The following GGACT variants were observed in gnomAD, a reference collection of about 807,000 sequenced individuals.
GGACT encodes gamma-glutamylamine cyclotransferase, also known as gamma-glutamylaminecyclotransferase.
For synonymous variants in GGACT, 118 were observed against 115.3 expected, an observed-to-expected ratio of 1.02 and a Z score of -0.15; for missense variants, 241 against 233.2, an observed-to-expected ratio of 1.03 and a Z score of -0.22.
chr13:100,570,322 G>T (rs887874712), intron 2 of GGACT, among the ~76,000 whole-genome samples: 2 of 152,182 alleles, frequency 1.3e-5, no homozygotes, highest in Non-Finnish European at 2.9e-5. Flanking sequence ...CAGCATAGCT[G>T]AGGAGGCCTC....
intron 2 of GGACT, among the ~76,000 whole-genome samples, chr13:100,570,292 A>C (rs1187866841): frequency 6.6e-5 from 10 of 152,148 alleles, no homozygotes; most frequent in African/African-American, 2.2e-4. Context: ...TAAAAGGAAG[A>C]GGTTTAATCG....
chr13:100,535,449 T>G lies in GGACT; in HGVS notation c.-10-2848A>C, dbSNP rs1222052917. Among the ~76,000 whole-genome samples the G allele has an allele frequency of 3.9e-5, 6 of 152,330 alleles. No individual in the cohort carries two copies. In the South Asian group the frequency reaches 1.0e-3, roughly 26 times the overall value. ...CTTTAACTGTGTGACTTTAGGCAGA[T>G]CATATAACCTCTCTGTGCCTCAGCT... On this transcript the variant is annotated intron_variant, in intron 2 of 2. Transcript: ENST00000683975.
At chr13:100,548,023 G>A (rs1349030219) in intron 2 of GGACT, among the ~76,000 whole-genome samples, 1 of 152,222 alleles carries the variant, frequency 6.6e-6, no homozygotes, top group Non-Finnish European at 1.5e-5. Context: ...CCGGGCAGCC[G>A]GGAAAAGCCA....
At chr13:100,579,914 C>T (rs935527179) in intron 2 of GGACT, 3 of 152,124 alleles carry the variant, frequency 2.0e-5, no homozygotes, top group African/African-American at 7.2e-5. Flanking sequence ...CCTTTCTGCC[C>T]CTACAGAGTG....
chr13:100,562,085 T>A (rs2088767108), intron 2 of GGACT, among the ~76,000 whole-genome samples: 1 of 152,162 alleles, frequency 6.6e-6, no homozygotes, highest in African/African-American at 2.4e-5. Context: ...TTTAGGTGCC[T>A]CTAAATAGGG....
At chr13:100,586,384 A>G (rs1875574759) in intron 1 of GGACT, among the ~76,000 whole-genome samples, 1 of 152,144 alleles carries the variant, frequency 6.6e-6, no homozygotes, top group African/African-American at 2.4e-5. Context: ...TTTGCTTAAA[A>G]TTTTCCCAAT....
At chr13:100,567,686 C>T (rs925359660) in intron 2 of GGACT, among the ~76,000 whole-genome samples, 3 of 152,214 alleles carry the variant, frequency 2.0e-5, no homozygotes, top group African/African-American at 7.2e-5. Context: ...CTTCTTTACA[C>T]CTTTACATCT....
intron 2 of GGACT, chr13:100,539,990 G>A (rs775068359): frequency 2.9e-5 from 44 of 1,522,484 alleles, no homozygotes; most frequent in Admixed American, 1.7e-4. Context: ...TCACGAGATC[G>A]ATTCCTGACT....
intron 2 of GGACT, among the ~76,000 whole-genome samples, chr13:100,572,886 T>C (rs1328252722): frequency 6.6e-6 from 1 of 152,182 alleles, no homozygotes; most frequent in Non-Finnish European, 1.5e-5. Flanking sequence ...CTTGCTTTCC[T>C]GAACGAATAT....
At chr13:100,570,334 G>C (rs1467087291) in intron 2 of GGACT, among the ~76,000 whole-genome samples, 1 of 152,148 alleles carries the variant, frequency 6.6e-6, no homozygotes, top group Non-Finnish European at 1.5e-5. Context: ...GGAGGCCTCA[G>C]GAATCTTATA....
chr13:100,551,143 G>C (rs958830762), intron 2 of GGACT, among the ~76,000 whole-genome samples: 11 of 152,046 alleles, frequency 7.2e-5, no homozygotes, highest in Non-Finnish European at 1.3e-4. Context: ...AATTAGCCGG[G>C]TGTGGTGGCG....
At position 100,534,674 on chromosome 13, in the gene GGACT, C is replaced by T. The variant is rs1380470643; in HGVS notation, c.-10-2073G>A. Among the ~76,000 whole-genome samples, 1 of 152,138 alleles carries T rather than the reference C, an allele frequency of 6.6e-6. No individual in the cohort carries two copies. The highest frequency in any genetic ancestry group is 1.5e-5 in the Non-Finnish European group (1 of 68,014). ...ATTTGGAAGGATTCATGTCCCTCCC[C>T]ACACCTGCATCCCAGCCCCCAGCGA... is the stretch of plus-strand genomic sequence containing the variant. On this transcript the variant is annotated intron_variant, in intron 2 of 2. Transcript: ENST00000683975. This position sits in a 1 kb window ranked among gnomAD's most constrained non-coding sequence, Gnocchi z 4.9.
chr13:100,584,619 T>C (rs927332056), intron 1 of GGACT, among the ~76,000 whole-genome samples: 10 of 152,114 alleles, frequency 6.6e-5, no homozygotes, highest in African/African-American at 2.2e-4. Flanking sequence ...TAAAAATAAC[T>C]AAGAGTATCG....
chr13:100,539,784 G>A, intron 2 of GGACT: 2 of 652,394 alleles, frequency 3.1e-6, no homozygotes, highest in East Asian at 2.7e-5. Flanking sequence ...ATGTTTGGTA[G>A]AATTTACCAG....
At chr13:100,556,047 A>G (rs777531868) in intron 2 of GGACT, among the ~76,000 whole-genome samples, 2 of 152,250 alleles carry the variant, frequency 1.3e-5, no homozygotes, top group Non-Finnish European at 2.9e-5. Flanking sequence ...TTTGTAGTGA[A>G]TAATCAAGTA....
intron 2 of GGACT, among the ~76,000 whole-genome samples, chr13:100,564,479 T>A (rs569881383): frequency 6.6e-6 from 1 of 152,306 alleles, no homozygotes; most frequent in South Asian, 2.1e-4. Flanking sequence ...AAAAAAATTA[T>A]CCAAGTTATA....
At chr13:100,561,582 C>T (rs1473967990) in intron 2 of GGACT, among the ~76,000 whole-genome samples, 1 of 152,202 alleles carries the variant, frequency 6.6e-6, no homozygotes, top group Non-Finnish European at 1.5e-5. Flanking sequence ...CTGAAATGTG[C>T]AGTGCTGGCT....
At chr13:100,538,399 CT>C (rs1231375104) in intron 2 of GGACT, 1 of 152,206 alleles carries the variant, frequency 6.6e-6, no homozygotes, top group African/African-American at 2.4e-5. Flanking sequence ...AAATCCTTCT[CT>C]GTATTTCCTG....
chr13:100,567,566 C>A (rs1221438582), intron 2 of GGACT, among the ~76,000 whole-genome samples: 1 of 152,248 alleles, frequency 6.6e-6, no homozygotes, highest in Non-Finnish European at 1.5e-5. Flanking sequence ...ATGCCAAGAT[C>A]TGGGTGCAGG....
Sources: gnomAD v4.1 joint callset for allele counts (sites outside exome capture counted in the v4.1 genomes callset) on GRCh38, gnomAD v4.1.1 for gene constraint, Gnocchi (gnomAD v3.1) non-coding constraint, MANE v1.5 for transcripts, NCBI Gene and HGNC (gene_info 2026-07-23, HGNC 2026-07-21) for gene names.